BMPR1B: variants seen among roughly 807,000 people sequenced by gnomAD.
The protein encoded by BMPR1B is bone morphogenetic protein receptor type-1B.
A neutral mutation model predicts 59.1 loss-of-function variants in BMPR1B; 12 were observed. The observed-to-expected ratio is 0.20, with a 90% CI of 0.13 to 0.33. BMPR1B has a LOEUF of 0.33. BMPR1B is among the 10% of genes least tolerant of loss of function. The pLI is 1.00. For synonymous variants in BMPR1B, 237 were observed against 207.3 expected (o/e 1.14, Z -1.23); for missense variants, 550 against 610.9 (o/e 0.90, Z 1.05).
intron 1 of BMPR1B, among the ~76,000 whole-genome samples, chr4:94,790,850 T>C (rs946657875): frequency 6.6e-6 from 1 of 152,206 alleles, no homozygotes; most frequent in Non-Finnish European, 1.5e-5. Flanking sequence ...CCTTTGTAGT[T>C]TGCATGACAT....
At chr4:95,057,099 G>A (rs1560622177) in intron 3 of BMPR1B, among the ~76,000 whole-genome samples, 1 of 152,106 alleles carries the variant, frequency 6.6e-6, no homozygotes, top group Non-Finnish European at 1.5e-5. Context: ...TTATTGTTGT[G>A]TCTTGAGTGT....
At chr4:94,810,979 C>T (rs181246019) in intron 1 of BMPR1B, among the ~76,000 whole-genome samples, 7 of 152,150 alleles carry the variant, frequency 4.6e-5, no homozygotes, top group Admixed American at 2.6e-4. Context: ...TAAGTTACGA[C>T]GTTTATTTGA....
At chr4:95,061,666 G>A (rs951648181) in intron 3 of BMPR1B, among the ~76,000 whole-genome samples, 2 of 152,192 alleles carry the variant, frequency 1.3e-5, no homozygotes, top group Non-Finnish European at 2.9e-5. Context: ...ATTAGTACTA[G>A]AGTCCCAGGA....
intron 8 of BMPR1B, 48 bp from the exon 9 acceptor site, chr4:95,129,814 A>T (rs770898939): frequency 1.3e-6 from 2 of 1,590,152 alleles, no homozygotes; most frequent in South Asian, 1.1e-5. Flanking sequence ...GATTAAACAA[A>T]TCTGTAGCGC....
intron 1 of BMPR1B, among the ~76,000 whole-genome samples, chr4:94,849,420 T>A (rs1725480466): frequency 6.6e-6 from 1 of 151,930 alleles, no homozygotes; most frequent in Non-Finnish European, 1.5e-5. Flanking sequence ...GGAAACGAAG[T>A]ATAGGCAGCA....
At chr4:94,779,026 TGTA>T (rs1243227401) in intron 1 of BMPR1B, among the ~76,000 whole-genome samples, 11 of 152,294 alleles carry the variant, frequency 7.2e-5, no homozygotes, top group Middle Eastern at 3.4e-3. Flanking sequence ...TCAATTTTAA[TGTA>T]GTCAAATTTT....
At chr4:95,059,623 A>G (rs528607007) in intron 3 of BMPR1B, among the ~76,000 whole-genome samples, 2 of 118,596 alleles carry the variant, frequency 1.7e-5, no homozygotes, top group Non-Finnish European at 3.8e-5. Flanking sequence ...TACTTAACCT[A>G]TTATGGTAAA....
At chr4:94,770,215 G>T (rs1419216337) in intron 1 of BMPR1B, among the ~76,000 whole-genome samples, 1 of 92,308 alleles carries the variant, frequency 1.1e-5, no homozygotes, top group Non-Finnish European at 2.3e-5. Context: ...GCGAAAGCAA[G>T]GTTATAGATT....
intron 2 of BMPR1B, among the ~76,000 whole-genome samples, chr4:94,951,581 A>G (rs1237069642): frequency 6.6e-6 from 1 of 152,058 alleles, no homozygotes; most frequent in Non-Finnish European, 1.5e-5. Flanking sequence ...AAGTTTATTG[A>G]TTTGCCTTGC....
intron 3 of BMPR1B, among the ~76,000 whole-genome samples, chr4:95,006,137 G>A (rs998027832): frequency 6.6e-6 from 1 of 152,010 alleles, no homozygotes; most frequent in African/African-American, 2.4e-5. Flanking sequence ...TGGGCGTGGT[G>A]GTAGGCGCCT....
chr4:95,064,079 C>A (rs1727617011), intron 3 of BMPR1B, among the ~76,000 whole-genome samples: 1 of 151,846 alleles, frequency 6.6e-6, no homozygotes, highest in Non-Finnish European at 1.5e-5. Context: ...TGATATATAT[C>A]ATTTATAGGT....
chr4:94,915,574 T>C (rs1728452697), intron 2 of BMPR1B, among the ~76,000 whole-genome samples: 1 of 152,214 alleles, frequency 6.6e-6, no homozygotes, highest in South Asian at 2.1e-4. Context: ...ATACTTCCTC[T>C]TTAAAAATGT....
intron 2 of BMPR1B, among the ~76,000 whole-genome samples, chr4:94,981,003 A>ACGCG (rs141994255): frequency 1.1e-5 from 1 of 90,796 alleles, no homozygotes. Flanking sequence ...ACACACACAC[A>ACGCG]CACACACACA....
intron 6 of BMPR1B, among the ~76,000 whole-genome samples, chr4:95,116,407 T>G (rs2149279860): frequency 1.0e-5 from 1 of 96,274 alleles, no homozygotes; most frequent in South Asian, 2.9e-4. Context: ...TCCTCCTCCA[T>G]GCTTTCAGCG....
chr4:95,090,725 C>T (rs1359153116), intron 3 of BMPR1B, among the ~76,000 whole-genome samples: 1 of 152,010 alleles, frequency 6.6e-6, no homozygotes, highest in Non-Finnish European at 1.5e-5. Context: ...TGACAAATAT[C>T]TCTTAAATCA....
intron 1 of BMPR1B, among the ~76,000 whole-genome samples, chr4:94,822,177 T>C (rs1373205149): frequency 6.6e-6 from 1 of 152,216 alleles, no homozygotes; most frequent in Non-Finnish European, 1.5e-5. Flanking sequence ...GGGGGCCAGA[T>C]AAGCTCTTCT....
At chr4:95,152,266 A>C (rs1433070197) in intron 11 of BMPR1B, among the ~76,000 whole-genome samples, 1 of 152,176 alleles carries the variant, frequency 6.6e-6, no homozygotes, top group Admixed American at 6.5e-5. Context: ...ATAGTAATAG[A>C]AACAGTCACA....
intron 8 of BMPR1B, among the ~76,000 whole-genome samples, chr4:95,128,974 T>G (rs1733101954): frequency 6.6e-6 from 1 of 152,090 alleles, no homozygotes; most frequent in African/African-American, 2.4e-5. Context: ...CATTTTTTTT[T>G]GTTCTCCTTT....
chr4:95,116,017 C>G (rs949897408), intron 6 of BMPR1B, among the ~76,000 whole-genome samples: 1 of 152,058 alleles, frequency 6.6e-6, no homozygotes, highest in African/African-American at 2.4e-5. Context: ...CACTTCTGTT[C>G]AGAAAATTGC....
Sources: gnomAD v4.1 joint callset for allele counts (sites outside exome capture counted in the v4.1 genomes callset) on GRCh38, gnomAD v4.1.1 for gene constraint, MANE v1.5 for transcripts, NCBI Gene and HGNC (gene_info 2026-07-23, HGNC 2026-07-21) for gene names.